Variants in SGIP1 observed in about 807,000 individuals in gnomAD.
SGIP1 encodes the protein SH3GL interacting endocytic adaptor 1, also known as SH3-containing GRB2-like protein 3-interacting protein 1.
SGIP1 carries 38 observed loss-of-function variants against 107.5 expected under a neutral mutation model. The ratio of observed to expected loss-of-function variants is 0.35; its 90% CI spans 0.27 to 0.46. SGIP1 has a LOEUF of 0.46. Among genes scored for constraint, SGIP1 ranks in the 20% least tolerant of loss-of-function variants. The pLI, the probability that SGIP1 is intolerant of heterozygous loss-of-function variation, is 1.00. For synonymous variants in SGIP1, 365 were observed against 366.1 expected, an observed-to-expected ratio of 1.00 and a Z score of 0.03; for missense variants, 929 against 1,019.5, an observed-to-expected ratio of 0.91 and a Z score of 1.21.
In SGIP1 at chr1:66,682,071, A is replaced by G; in HGVS notation, c.1017A>G (p.Thr339=). The stretch of plus-strand genomic sequence containing the variant: ...AAAAAGTGGTGTCCCCACCAGCTAC[A>G]CCAGACAACCCAGCTGACTCCCCAG... ...PREKVVSPPA[T]PDNPADSPAP... Residue 339 remains threonine (T), a synonymous_variant, in exon 15 of 25, where the codon ACA becomes ACG. Transcript: ENST00000371037. 1.2e-6 allele frequency: 2 copies of G among 1,614,060 alleles called. No homozygotes were observed. Among genetic ancestry groups the G allele is most frequent in the Non-Finnish European group, 1.7e-6 (2 of 1,179,986 alleles).
intron 18 of SGIP1, 72 bp from the exon 19 acceptor site, chr1:66,719,222 G>T: frequency 1.0e-6 from 1 of 981,122 alleles, no homozygotes; most frequent in South Asian, 1.7e-5. Flanking sequence ...ATCCTTTAAT[G>T]GGCTTTTAAT....
At chr1:66,587,972 T>A (rs1467572824) in intron 1 of SGIP1, among the ~76,000 whole-genome samples, 2 of 152,174 alleles carry the variant, frequency 1.3e-5, no homozygotes, top group Non-Finnish European at 2.9e-5. Flanking sequence ...TTTTTGATCT[T>A]CTTTTCATTA....
chr1:66,708,889 C>T (rs1181533710), intron 18 of SGIP1, among the ~76,000 whole-genome samples: 4 of 152,114 alleles, frequency 2.6e-5, no homozygotes, highest in South Asian at 2.1e-4. Flanking sequence ...ACTCAGAAAT[C>T]CAGTACTCTC....
At chr1:66,617,174 T>C (rs951941602) in intron 1 of SGIP1, among the ~76,000 whole-genome samples, 2 of 152,234 alleles carry the variant, frequency 1.3e-5, no homozygotes, top group African/African-American at 4.8e-5. Context: ...GTAGAACGGC[T>C]TGTAAACATT....
At chr1:66,569,451 G>C (rs2060093790) in intron 1 of SGIP1, among the ~76,000 whole-genome samples, 1 of 151,646 alleles carries the variant, frequency 6.6e-6, no homozygotes, top group African/African-American at 2.4e-5. Context: ...AATGGGTGTT[G>C]GATTTTGTCA....
chr1:66,718,821 G>T (rs2093379871), intron 18 of SGIP1, among the ~76,000 whole-genome samples: 1 of 151,962 alleles, frequency 6.6e-6, no homozygotes, highest in Non-Finnish European at 1.5e-5. Context: ...TTTTTGAAAT[G>T]GAAATAATCC....
At chr1:66,675,087 T>C (rs2084875282) in intron 12 of SGIP1, among the ~76,000 whole-genome samples, 2 of 152,244 alleles carry the variant, frequency 1.3e-5, no homozygotes, top group Admixed American at 6.5e-5. Context: ...AATCTCACTC[T>C]TAATGACATA....
rs984311118 is a variant in SGIP1 at position 66,743,401 on chromosome 1, G to T, written c.*306G>T. ...TTTAGCATTTTACCATTCCTGAAAT[G>T]GATGTAATTTAAACTGTGGTATGTA... On this transcript the variant is annotated 3_prime_UTR_variant, in exon 25 of 25. Transcript: ENST00000371037. 4.0e-6 allele frequency: 1 copy of T among 248,048 alleles called. No individual in the cohort carries two copies. The highest frequency in any genetic ancestry group is 7.8e-6 in the Non-Finnish European group (1 of 127,400). The allele number at this position is 248,048 out of a possible 1,614,324, so 15.4% of individuals were successfully genotyped here.
intron 1 of SGIP1, among the ~76,000 whole-genome samples, chr1:66,542,501 C>A (rs187973038): frequency 5.8e-4 from 88 of 152,168 alleles, no homozygotes; most frequent in Admixed American, 1.5e-3. Context: ...ACAGGCACTG[C>A]GATATGCAAC....
Position 66,741,453 on chromosome 1 carries a change from A to T in SGIP1, c.2464+17A>T, listed in dbSNP as rs1168287548. 6.5e-7 allele frequency: 1 copy of T among 1,538,490 alleles called. No homozygotes were observed. Among genetic ancestry groups the T allele is most frequent in the Non-Finnish European group, 8.8e-7 (1 of 1,140,002 alleles). ...TTGCTGCAGGTAAATGAGTATCTTG[A>T]TTTTTTCATTTGCGAAAATAATGTT... is the stretch of plus-strand genomic sequence containing the variant. On this transcript the variant is annotated intron_variant, in intron 24 of 24. Transcript: ENST00000371037.
At chr1:66,642,313 G>C (rs2076939106) in intron 5 of SGIP1, among the ~76,000 whole-genome samples, 1 of 152,002 alleles carries the variant, frequency 6.6e-6, no homozygotes, top group Non-Finnish European at 1.5e-5. Flanking sequence ...TTACCACCTA[G>C]AAGGAGCTCC....
intron 2 of SGIP1, among the ~76,000 whole-genome samples, chr1:66,631,077 AAGAAAGAAAGAAAG>A (rs1159610583): frequency 3.6e-4 from 51 of 142,576 alleles, no homozygotes; most frequent in African/African-American, 1.2e-3. Context: ...GAAAGAAAGA[AAGAAAGAAAGAAAG>A]AAAGAAAGAA....
intron 1 of SGIP1, among the ~76,000 whole-genome samples, chr1:66,551,113 A>C (rs185440668): frequency 1.2e-3 from 179 of 152,290 alleles, no homozygotes; most frequent in African/African-American, 4.2e-3. Flanking sequence ...TCAATGGTAC[A>C]TCAGCAAATG....
At chr1:66,682,419 T>A in intron 15 of SGIP1, 50 bp downstream of exon 15, 1 of 1,559,044 alleles carries the variant, frequency 6.4e-7, no homozygotes, top group South Asian at 1.2e-5. Context: ...TGGCCATGGC[T>A]GCTGCAGTGT....
intron 1 of SGIP1, among the ~76,000 whole-genome samples, chr1:66,567,158 C>T (rs1331901036): frequency 6.6e-6 from 1 of 151,872 alleles, no homozygotes; most frequent in Non-Finnish European, 1.5e-5. Flanking sequence ...TCCACAGCCT[C>T]TCCAGCATCT....
chr1:66,606,209 C>T (rs1416113432), intron 1 of SGIP1, among the ~76,000 whole-genome samples: 1 of 152,142 alleles, frequency 6.6e-6, no homozygotes, highest in East Asian at 1.9e-4. Flanking sequence ...CTCTCAGAAC[C>T]TCTGGCTACC....
chr1:66,661,172 T>C (rs1557511513), intron 8 of SGIP1, among the ~76,000 whole-genome samples: 1 of 152,174 alleles, frequency 6.6e-6, no homozygotes, highest in African/African-American at 2.4e-5. Flanking sequence ...AGGAACAGAT[T>C]TCAAAAAATA....
At chr1:66,667,809 GTA>G (rs754236417) in intron 9 of SGIP1, among the ~76,000 whole-genome samples, 28 of 152,080 alleles carry the variant, frequency 1.8e-4, no homozygotes, top group Non-Finnish European at 3.7e-4. Flanking sequence ...GAGTGTGTGT[GTA>G]TATATGTGTG....
chr1:66,661,825 C>A (rs1247354596), intron 8 of SGIP1, among the ~76,000 whole-genome samples: 2 of 151,960 alleles, frequency 1.3e-5, no homozygotes, highest in African/African-American at 4.8e-5. Flanking sequence ...ATTAATTTTT[C>A]TCCTGTTGTC....
Sources: allele counts gnomAD v4.1 joint callset (sites outside exome capture counted in the v4.1 genomes callset), GRCh38; gene constraint gnomAD v4.1.1; transcripts MANE v1.5; gene names NCBI Gene and HGNC (gene_info 2026-07-23, HGNC 2026-07-21).